Variants in BAZ2B observed in about 807,000 individuals in gnomAD.
The protein encoded by BAZ2B is bromodomain adjacent to zinc finger domain 2B.
Under a neutral mutation model 246.0 loss-of-function variants are expected in BAZ2B, and 91 were observed. The observed-to-expected ratio is 0.37, with a 90% CI of 0.31 to 0.44. The LOEUF (loss-of-function observed/expected upper bound fraction) is 0.44. BAZ2B is among the 20% of genes least tolerant of loss of function. The probability of loss-of-function intolerance (pLI) is 1.00; values close to 1 mark genes in which losing one functional copy is unlikely to be tolerated. For synonymous variants in BAZ2B, 855 were observed against 860.0 expected, an observed-to-expected ratio of 0.99 and a Z score of 0.10; for missense variants, 2,332 against 2,533.7, an observed-to-expected ratio of 0.92 and a Z score of 1.71.
At chr2:159,465,730 T>C (rs1000249489) in intron 3 of BAZ2B, among the ~76,000 whole-genome samples, 1 of 152,116 alleles carries the variant, frequency 6.6e-6, no homozygotes, top group Non-Finnish European at 1.5e-5. Context: ...GAGACCAACC[T>C]GGCCAACATG....
At chr2:159,354,345 T>TA (rs139262780) in intron 27 of BAZ2B, among the ~76,000 whole-genome samples, 112 of 150,648 alleles carry the variant, frequency 7.4e-4, no homozygotes, top group African/African-American at 2.3e-3. Flanking sequence ...AACCTCTAAT[T>TA]AAAAAAAATA....
At chr2:159,488,168 G>A (rs747777142) in intron 2 of BAZ2B, among the ~76,000 whole-genome samples, 2 of 152,064 alleles carry the variant, frequency 1.3e-5, no homozygotes, top group Non-Finnish European at 2.9e-5. Flanking sequence ...CACCTCCTGG[G>A]TTCCAGTAAT....
the BAZ2B span, among the ~76,000 whole-genome samples, chr2:159,698,986 A>C: frequency 0.93 from 142,248 of 152,216 alleles, 66,593 homozygotes; most frequent in African/African-American, 0.97. Flanking sequence ...CAAAAAACCA[A>C]AGCAACGTGT....
chr2:159,553,392 CAAAAAAA>C (rs35253250), intron 2 of BAZ2B, among the ~76,000 whole-genome samples: 4 of 73,810 alleles, frequency 5.4e-5, no homozygotes, highest in African/African-American at 1.1e-4. Context: ...GACTCTGTCT[CAAAAAAA>C]AAAAAAAAAA....
At chr2:159,599,212 A>G (rs973648564) in intron 1 of BAZ2B, among the ~76,000 whole-genome samples, 1 of 152,238 alleles carries the variant, frequency 6.6e-6, no homozygotes, top group African/African-American at 2.4e-5. Flanking sequence ...TAAGGAACTA[A>G]TGTTGACTTT....
intron 25 of BAZ2B, among the ~76,000 whole-genome samples, chr2:159,378,995 G>A (rs530664346): frequency 1.3e-5 from 2 of 152,164 alleles, no homozygotes; most frequent in East Asian, 3.9e-4. Flanking sequence ...CCACTTCTGG[G>A]TATTTATTCA....
At chr2:159,711,509 G>C in the BAZ2B span, among the ~76,000 whole-genome samples, 2 of 151,786 alleles carry the variant, frequency 1.3e-5, no homozygotes, top group Non-Finnish European at 2.9e-5. Context: ...TCATTTATTG[G>C]AATTATTTGG....
chr2:159,382,445 G>A, intron 25 of BAZ2B, 114 bp downstream of exon 25: 1 of 1,131,188 alleles, frequency 8.8e-7, no homozygotes, highest in South Asian at 1.7e-5. Context: ...AGGAAACTGA[G>A]GCAAGTAAAT....
At chr2:159,554,676 G>T (rs2151463468) in intron 2 of BAZ2B, among the ~76,000 whole-genome samples, 1 of 152,040 alleles carries the variant, frequency 6.6e-6, no homozygotes, top group East Asian at 1.9e-4. Context: ...AATGCTTCTG[G>T]ATTTAATGAG....
At chr2:159,395,690 A>G in intron 20 of BAZ2B, 79 bp downstream of exon 20, 1 of 1,314,798 alleles carries the variant, frequency 7.6e-7, no homozygotes, top group Non-Finnish European at 1.0e-6. Flanking sequence ...ATTCTGAAAA[A>G]TTTATATTTA....
At chr2:159,541,602 C>A (rs780357189) in intron 2 of BAZ2B, among the ~76,000 whole-genome samples, 4 of 152,116 alleles carry the variant, frequency 2.6e-5, no homozygotes, top group Non-Finnish European at 5.9e-5. Flanking sequence ...ATTAAACAAA[C>A]AGAAGTTCTC....
intron 34 of BAZ2B, among the ~76,000 whole-genome samples, chr2:159,327,845 G>A (rs1186271154): frequency 2.6e-5 from 4 of 152,204 alleles, no homozygotes; most frequent in East Asian, 1.9e-4. Flanking sequence ...GGGGCGGATC[G>A]CCTGAGGTCA....
chr2:159,625,815 T>A, the BAZ2B span, among the ~76,000 whole-genome samples: 9 of 152,202 alleles, frequency 5.9e-5, no homozygotes, highest in Middle Eastern at 3.4e-3. Flanking sequence ...AGGATCAAAT[T>A]CACACATAAT....
intron 34 of BAZ2B, among the ~76,000 whole-genome samples, chr2:159,331,063 A>C (rs2064667685): frequency 1.3e-5 from 2 of 152,196 alleles, no homozygotes; most frequent in South Asian, 2.1e-4. Context: ...CCAGTGGAGA[A>C]GGAGAAATTG....
At chr2:159,342,738 C>T (rs988335454) in intron 31 of BAZ2B, among the ~76,000 whole-genome samples, 5 of 151,922 alleles carry the variant, frequency 3.3e-5, no homozygotes, top group African/African-American at 9.7e-5. Context: ...AAGACCTCTA[C>T]AAGGAAAACT....
At chr2:159,467,598 C>T (rs1445638292) in intron 3 of BAZ2B, among the ~76,000 whole-genome samples, 1 of 152,144 alleles carries the variant, frequency 6.6e-6, no homozygotes, top group Non-Finnish European at 1.5e-5. Context: ...TTTGGATTGG[C>T]TAGGCTGGGT....
chr2:159,663,156 C>G, the BAZ2B span, among the ~76,000 whole-genome samples: 1 of 151,178 alleles, frequency 6.6e-6, no homozygotes, highest in Non-Finnish European at 1.5e-5. Context: ...TTAACATTGG[C>G]AAAGTCTAAT....
chr2:159,508,420 T>C (rs527498835), intron 2 of BAZ2B, among the ~76,000 whole-genome samples: 1 of 152,336 alleles, frequency 6.6e-6, no homozygotes, highest in East Asian at 1.9e-4. Flanking sequence ...TCAGAGTATT[T>C]AGTTTGTTAC....
chr2:159,477,287 A>G (rs1404293625), intron 3 of BAZ2B, among the ~76,000 whole-genome samples: 1 of 152,156 alleles, frequency 6.6e-6, no homozygotes, highest in African/African-American at 2.4e-5. Context: ...ACTGGGTGAC[A>G]GTGCAAGACT....
Sources: gnomAD v4.1 joint callset for allele counts (sites outside exome capture counted in the v4.1 genomes callset) on GRCh38, gnomAD v4.1.1 for gene constraint, MANE v1.5 for transcripts, NCBI Gene and HGNC (gene_info 2026-07-23, HGNC 2026-07-21) for gene names.